PLD5: variants seen among roughly 807,000 people sequenced by gnomAD.
The protein encoded by PLD5 is phospholipase D family member 5, also known as inactive phospholipase D5.
PLD5 carries 36 observed loss-of-function variants against 61.1 expected under a neutral mutation model. That is an observed-to-expected ratio of 0.59 (90% CI 0.45 to 0.78). PLD5 has a LOEUF of 0.78. PLD5 is among the 30% of genes least tolerant of loss of function. The pLI, the probability that PLD5 is intolerant of heterozygous loss-of-function variation, is 0.00. For missense variants in PLD5, 515 were observed against 644.4 expected, an observed-to-expected ratio of 0.80 and a Z score of 2.17; for synonymous variants, 243 against 242.8, an observed-to-expected ratio of 1.00 and a Z score of -0.01.
intron 5 of PLD5, among the ~76,000 whole-genome samples, chr1:242,138,020 T>C (rs1164805451): frequency 6.6e-6 from 1 of 152,200 alleles, no homozygotes; most frequent in East Asian, 1.9e-4. Flanking sequence ...CAGAAAGCAG[T>C]CTGGTAACCA....
intron 2 of PLD5, among the ~76,000 whole-genome samples, chr1:242,324,296 T>C (rs1658610768): frequency 6.6e-6 from 1 of 152,232 alleles, no homozygotes; most frequent in Non-Finnish European, 1.5e-5. Context: ...TTCTTTAGAA[T>C]GAACAAAGGC....
intron 1 of PLD5, among the ~76,000 whole-genome samples, chr1:242,412,804 G>A (rs1664626825): frequency 1.3e-5 from 2 of 152,198 alleles, no homozygotes; most frequent in Non-Finnish European, 2.9e-5. Flanking sequence ...GCGAATACAA[G>A]TCTTCATTTC....
intron 3 of PLD5, among the ~76,000 whole-genome samples, chr1:242,282,242 G>A (rs768002224): frequency 6.6e-5 from 10 of 152,170 alleles, no homozygotes; most frequent in Non-Finnish European, 1.0e-4. Flanking sequence ...TTCTGTTATC[G>A]CCCTGATTTT....
intron 4 of PLD5, among the ~76,000 whole-genome samples, chr1:242,234,784 C>T (rs1383831815): frequency 6.6e-6 from 1 of 151,998 alleles, no homozygotes; most frequent in African/African-American, 2.4e-5. Flanking sequence ...TGCCAATAAG[C>T]CTAACTGGGG....
chr1:242,259,635 A>C (rs1199445770), intron 4 of PLD5, among the ~76,000 whole-genome samples: 1 of 152,094 alleles, frequency 6.6e-6, no homozygotes, highest in Non-Finnish European at 1.5e-5. Flanking sequence ...TAAATCTTCT[A>C]TGACACTTAT....
intron 3 of PLD5, among the ~76,000 whole-genome samples, chr1:242,285,096 G>A (rs992225271): frequency 1.3e-5 from 2 of 152,228 alleles, no homozygotes; most frequent in Non-Finnish European, 2.9e-5. Context: ...TGAGTTCAAC[G>A]ATAGTTAGGT....
chr1:242,355,746 C>A (rs2149229650), intron 1 of PLD5, among the ~76,000 whole-genome samples: 1 of 152,102 alleles, frequency 6.6e-6, no homozygotes, highest in Non-Finnish European at 1.5e-5. Flanking sequence ...ACAGACTCAC[C>A]CCTCAGAACT....
At chr1:242,428,808 G>A (rs1255798864) in intron 1 of PLD5, among the ~76,000 whole-genome samples, 4 of 152,062 alleles carry the variant, frequency 2.6e-5, no homozygotes, top group Non-Finnish European at 5.9e-5. Flanking sequence ...GGAACAAGAA[G>A]GGAAGAAATC....
intron 1 of PLD5, among the ~76,000 whole-genome samples, chr1:242,511,035 G>C (rs973090751): frequency 6.6e-6 from 1 of 151,982 alleles, no homozygotes; most frequent in Non-Finnish European, 1.5e-5. Flanking sequence ...TGTTAGGAAG[G>C]GGCAGAACAT....
chr1:242,460,383 C>T (rs531449160), intron 1 of PLD5, among the ~76,000 whole-genome samples: 8 of 152,190 alleles, frequency 5.3e-5, no homozygotes, highest in African/African-American at 1.9e-4. Context: ...CCTGCCGATC[C>T]ACCTAGGAAC....
At chr1:242,266,623 T>C (rs891788623) in intron 3 of PLD5, among the ~76,000 whole-genome samples, 10 of 152,242 alleles carry the variant, frequency 6.6e-5, no homozygotes, top group Non-Finnish European at 1.5e-4. Flanking sequence ...TTTTTGCTGT[T>C]GGTTCACAAA....
At chr1:242,358,217 T>C in intron 1 of PLD5, among the ~76,000 whole-genome samples, 1 of 152,236 alleles carries the variant, frequency 6.6e-6, no homozygotes, top group Non-Finnish European at 1.5e-5. Flanking sequence ...TATTCTAAAT[T>C]TTTTTGTCAT....
intron 4 of PLD5, among the ~76,000 whole-genome samples, chr1:242,229,354 C>T (rs143725186): frequency 1.1e-4 from 16 of 152,286 alleles, no homozygotes; most frequent in Admixed American, 8.5e-4. Context: ...TGATAAAACA[C>T]GTATACCTTC....
intron 1 of PLD5, among the ~76,000 whole-genome samples, chr1:242,480,254 T>C (rs561600967): frequency 7.4e-4 from 113 of 152,264 alleles, no homozygotes; most frequent in Admixed American, 1.9e-3. Flanking sequence ...GAAAATCCAA[T>C]TGGTGTAGGG....
chr1:242,163,486 G>C (rs1666045140), intron 5 of PLD5, among the ~76,000 whole-genome samples: 1 of 152,150 alleles, frequency 6.6e-6, no homozygotes, highest in Non-Finnish European at 1.5e-5. Flanking sequence ...GAGAAATCCT[G>C]TGTGGATTTT....
intron 1 of PLD5, among the ~76,000 whole-genome samples, chr1:242,386,272 C>T (rs534590624): frequency 1.3e-5 from 2 of 152,268 alleles, no homozygotes; most frequent in African/African-American, 4.8e-5. Flanking sequence ...TGACAGGGGA[C>T]ACAACTCGAC....
chr1:242,227,734 G>C (rs1038601471), intron 4 of PLD5, among the ~76,000 whole-genome samples: 17 of 152,168 alleles, frequency 1.1e-4, no homozygotes, highest in Non-Finnish European at 2.5e-4. Flanking sequence ...ATTTCCTACA[G>C]TACAGATCTG....
chr1:242,235,950 A>G (rs920245171), intron 4 of PLD5: 3 of 152,108 alleles, frequency 2.0e-5, no homozygotes, highest in African/African-American at 7.2e-5. Flanking sequence ...TCAAGCTTCG[A>G]TTTTCTGTAA....
intron 2 of PLD5, among the ~76,000 whole-genome samples, chr1:242,327,245 G>C (rs920434937): frequency 1.3e-5 from 2 of 152,044 alleles, no homozygotes; most frequent in Non-Finnish European, 2.9e-5. Flanking sequence ...AGGCTCAAGA[G>C]AGCCTCCCAC....
Sources: gnomAD v4.1 joint callset for allele counts (sites outside exome capture counted in the v4.1 genomes callset) on GRCh38, gnomAD v4.1.1 for gene constraint, MANE v1.5 for transcripts, NCBI Gene and HGNC (gene_info 2026-07-23, HGNC 2026-07-21) for gene names.